Variants in SEZ6L observed in about 807,000 individuals in gnomAD.
SEZ6L encodes the protein seizure 6-like protein.
SEZ6L carries 37 observed loss-of-function variants against 106.2 expected under a neutral mutation model. The ratio of observed to expected loss-of-function variants is 0.35; its 90% confidence interval spans 0.27 to 0.46. SEZ6L has a LOEUF of 0.46. Ranked by LOEUF, SEZ6L falls within the 20% of genes least tolerant of loss-of-function variation. The pLI is 1.00. For missense variants in SEZ6L, 1,172 were observed against 1,332.8 expected, an observed-to-expected ratio of 0.88 and a Z score of 1.88; for synonymous variants, 541 against 570.4, an observed-to-expected ratio of 0.95 and a Z score of 0.73.
intron 1 of SEZ6L, among the ~76,000 whole-genome samples, chr22:26,172,338 T>C (rs932941035): frequency 2.0e-5 from 3 of 152,320 alleles, no homozygotes; most frequent in South Asian, 4.1e-4. Context: ...GGGGCCACCG[T>C]ATCTAAGCTT....
chr22:26,305,892 C>A, intron 5 of SEZ6L, 87 bp from the exon 6 acceptor site: 1 of 1,038,030 alleles, frequency 9.6e-7, no homozygotes, highest in Non-Finnish European at 1.4e-6. Flanking sequence ...ACTTCCTTCT[C>A]TCTCTCTCTC....
chr22:26,380,799 C>T lies in SEZ6L; in HGVS notation c.*504C>T, dbSNP rs573396773. The stretch of plus-strand genomic sequence containing the variant: ...TGTGCTCCTAAACAAATTCTGTGTC[C>T]TCTCTTCCCATTTTGCCAGCTTCTG... On this transcript the variant is annotated 3_prime_UTR_variant, in exon 17 of 17. Transcript: ENST00000248933. 1.3e-5 allele frequency: 2 copies of T among 153,054 alleles called. No individual in the cohort carries two copies. Among genetic ancestry groups the T allele is most frequent in the Non-Finnish European group, 2.9e-5 (2 of 68,552 alleles). The allele number at this position is 153,054 out of a possible 1,614,324, so 9.5% of individuals were successfully genotyped here. A position where few individuals can be genotyped will look rare whatever the true frequency, so the allele number is the denominator to read the frequency against.
intron 1 of SEZ6L, among the ~76,000 whole-genome samples, chr22:26,285,003 A>G (rs2080891053): frequency 6.6e-6 from 1 of 152,114 alleles, no homozygotes; most frequent in African/African-American, 2.4e-5. Flanking sequence ...AATGAACTCT[A>G]TGGAGTATAA....
intron 1 of SEZ6L, among the ~76,000 whole-genome samples, chr22:26,219,459 T>C (rs1186191245): frequency 6.6e-6 from 1 of 152,058 alleles, no homozygotes; most frequent in Admixed American, 6.6e-5. Flanking sequence ...ACTGAGCAAA[T>C]TATAGTGCTT....
At chr22:26,189,279 C>T (rs943176501) in intron 1 of SEZ6L, among the ~76,000 whole-genome samples, 1 of 152,348 alleles carries the variant, frequency 6.6e-6, no homozygotes, top group Admixed American at 6.5e-5. Flanking sequence ...AAGTCCTTGA[C>T]TTGTCCGGGA....
intron 1 of SEZ6L, among the ~76,000 whole-genome samples, chr22:26,219,254 G>GTGTTTTTTTTTT (rs1556124260): frequency 7.4e-6 from 1 of 135,086 alleles, no homozygotes; most frequent in Non-Finnish European, 1.6e-5. Context: ...AGAAATACAA[G>GTGTTTTTTTTTT]TTTTTTTTTT....
At chr22:26,251,388 T>C (rs2079577606) in intron 1 of SEZ6L, among the ~76,000 whole-genome samples, 1 of 152,230 alleles carries the variant, frequency 6.6e-6, no homozygotes, top group South Asian at 2.1e-4. Context: ...ATTAAATGCT[T>C]TTTCTGCAAG....
chr22:26,314,792 C>A (rs755562791), intron 9 of SEZ6L, among the ~76,000 whole-genome samples: 30 of 152,212 alleles, frequency 2.0e-4, no homozygotes, highest in Non-Finnish European at 2.2e-4. Context: ...TTAGGTAATT[C>A]TCACAGAGAA....
At chr22:26,309,375 C>T (rs925326895) in intron 6 of SEZ6L, among the ~76,000 whole-genome samples, 2 of 152,128 alleles carry the variant, frequency 1.3e-5, no homozygotes, top group African/African-American at 2.4e-5. Context: ...GTCAGAACGA[C>T]GTTATGGTTG....
Position 26,206,691 on chromosome 22 carries a change from T to C in SEZ6L, c.94+36928T>C, listed in dbSNP as rs186165982. Among the ~76,000 whole-genome samples the C allele has an allele frequency of 2.6e-3, 393 of 152,352 alleles. 2 individuals carry two copies. The highest frequency in any genetic ancestry group is 4.8e-3 in the Non-Finnish European group (324 of 68,038). On this transcript the variant is annotated intron_variant, in intron 1 of 16. Transcript: ENST00000248933. Reference sequence around the variant, plus strand: ...AGTGAGATGGTCTAGACATCCATAATATATTACCTCTAGCGTAGATAATCA... The same window carrying C: ...AGTGAGATGGTCTAGACATCCATAACATATTACCTCTAGCGTAGATAATCA...
intron 1 of SEZ6L, among the ~76,000 whole-genome samples, chr22:26,266,525 A>G (rs1222111919): frequency 1.3e-5 from 2 of 151,802 alleles, no homozygotes; most frequent in African/African-American, 4.8e-5. Context: ...ATGAGCCGAG[A>G]TCGCACCACT....
intron 1 of SEZ6L, among the ~76,000 whole-genome samples, chr22:26,261,558 G>A (rs913485486): frequency 1.3e-5 from 2 of 152,138 alleles, no homozygotes; most frequent in African/African-American, 4.8e-5. Flanking sequence ...GTACTGCATG[G>A]ATTCAGGAAA....
At chr22:26,336,596 A>G (rs1199330913) in intron 9 of SEZ6L, among the ~76,000 whole-genome samples, 1 of 152,194 alleles carries the variant, frequency 6.6e-6, no homozygotes, top group Middle Eastern at 3.2e-3. Context: ...ACACTGCTAA[A>G]ATTTCAGAAC....
chr22:26,310,229 C>T (rs1441993969), intron 6 of SEZ6L, among the ~76,000 whole-genome samples: 1 of 152,196 alleles, frequency 6.6e-6, no homozygotes, highest in Non-Finnish European at 1.5e-5. Context: ...TGATGCTTGT[C>T]TGAGCACATA....
At chr22:26,237,870 T>C (rs557492565) in intron 1 of SEZ6L, among the ~76,000 whole-genome samples, 100 of 152,246 alleles carry the variant, frequency 6.6e-4, no homozygotes, top group Admixed American at 1.2e-3. Flanking sequence ...GCTGTTTAAG[T>C]GTACACCTAG....
chr22:26,216,104 A>C (rs959267519), intron 1 of SEZ6L, among the ~76,000 whole-genome samples: 1 of 151,966 alleles, frequency 6.6e-6, no homozygotes, highest in African/African-American at 2.4e-5. Context: ...TTAAAGGAAC[A>C]GAAGCAAAGC....
chr22:26,327,398 C>T lies in SEZ6L; in HGVS notation c.2016-13038C>T, dbSNP rs2082345700. 2.9e-5 allele frequency among the ~76,000 whole-genome samples: 4 copies of T among 135,956 alleles called. No individual in the cohort carries two copies. In the South Asian group the frequency reaches 9.0e-4, roughly 31 times the overall value. 89.2% of individuals were successfully genotyped at this position (135,956 alleles called of 152,430 possible). On this transcript the variant is annotated intron_variant, in intron 9 of 16. Coordinates refer to ENST00000248933, the MANE Select transcript of SEZ6L (RefSeq NM_021115.5). Reference sequence around the variant, plus strand: ...TGACACTACACACACCATACACACACCACATACACACCACACACACACACG... The same window carrying T: ...TGACACTACACACACCATACACACATCACATACACACCACACACACACACG...
rs781390790 is a variant in SEZ6L at position 26,313,772 on chromosome 22, G to T, written c.1885G>T (p.Gly629Cys). The change falls in exon 9 of 17, where the codon GGT becomes TGT. Residue 629 changes from glycine to cysteine, a missense_variant. Physicochemically the swap from Gly to Cys is radical, Grantham distance 159. Around this residue, in one of 4 missense-constraint regions of SEZ6L, gnomAD observed 534 missense variants for 691.0 expected, o/e 0.77. Coordinates refer to ENST00000248933, the MANE Select transcript of SEZ6L (RefSeq NM_021115.5). ...DTEPLCRAMC[G>C]GELSAVAGVV... is the part of the protein sequence containing the mutation. ...CTGTCTGTCTTTTACAGCCATGTGT[G>T]GTGGGGAGCTCTCTGCTGTGGCTGG... 6.2e-7 allele frequency: 1 copy of T among 1,609,596 alleles called. No homozygotes were observed. Among genetic ancestry groups the T allele is most frequent in the Non-Finnish European group, 8.5e-7 (1 of 1,176,120 alleles).
intron 1 of SEZ6L, among the ~76,000 whole-genome samples, chr22:26,287,879 G>A (rs931733621): frequency 2.0e-5 from 3 of 152,238 alleles, no homozygotes; most frequent in Non-Finnish European, 2.9e-5. Context: ...TAGGGACTGA[G>A]AGATGAATTT....
Sources: allele counts gnomAD v4.1 joint callset (sites outside exome capture counted in the v4.1 genomes callset), GRCh38; gene constraint gnomAD v4.1.1; regional missense constraint gnomAD v4.1.1; transcripts MANE v1.5; gene names NCBI Gene and HGNC (gene_info 2026-07-23, HGNC 2026-07-21).